Variants in TNK2 observed in about 807,000 individuals in gnomAD.
TNK2 encodes the protein tyrosine kinase non receptor 2, also known as activated CDC42 kinase 1.
A neutral mutation model predicts 101.8 loss-of-function variants in TNK2; 83 were observed. That is an observed-to-expected ratio of 0.82 (90% CI 0.68 to 0.98). The LOEUF is 0.98. Among genes scored for constraint, TNK2 ranks in the 50% least tolerant of loss-of-function variants. The probability of loss-of-function intolerance (pLI) is 0.00; values close to 1 mark genes in which losing one functional copy is unlikely to be tolerated. For synonymous variants in TNK2, 804 were observed against 633.0 expected, an observed-to-expected ratio of 1.27 and a Z score of -4.06; for missense variants, 1,665 against 1,483.2, an observed-to-expected ratio of 1.12 and a Z score of -2.01.
intron 6 of TNK2, among the ~76,000 whole-genome samples, chr3:195,881,587 C>CCG (rs1553911841): frequency 1.1e-4 from 9 of 81,810 alleles, no homozygotes; most frequent in Non-Finnish European, 1.8e-4. Flanking sequence ...CCTGTAACAC[C>CCG]CCCCCAGCGA....
At chr3:195,879,303 A>G (rs1751117290) in intron 6 of TNK2, 128 bp from the exon 7 acceptor site, 13 of 1,444,418 alleles carry the variant, frequency 9.0e-6, no homozygotes, top group Non-Finnish European at 1.0e-5. Flanking sequence ...AGTGGGTCTC[A>G]GGGGCGCCGT....
At chr3:195,880,718 A>AC (rs1173040587) in intron 6 of TNK2, among the ~76,000 whole-genome samples, 4 of 44,588 alleles carry the variant, frequency 9.0e-5, no homozygotes, top group East Asian at 6.9e-4. Flanking sequence ...TCCCTGTAAC[A>AC]CCCCCCCAGC....
At chr3:195,902,260 G>A (rs1761276512) in intron 1 of TNK2, among the ~76,000 whole-genome samples, 1 of 152,144 alleles carries the variant, frequency 6.6e-6, no homozygotes, top group Non-Finnish European at 1.5e-5. Flanking sequence ...GGAAACCTCT[G>A]GAAGAAGAGG....
Position 195,868,372 on chromosome 3 carries a change from G to A in TNK2, c.1926C>T (p.Arg642=). The change falls in exon 13 of 16, where the codon CGC becomes CGT. Residue 642 remains arginine (R), a synonymous_variant. Coordinates refer to ENST00000672887, the MANE Select transcript of TNK2 (RefSeq NM_001382273.1). ...HPTPVVDWDA[R]PLPPPPAYDD... ...CATAGGCGGGCGGGGGGGGCAGCGG[G>A]CGTGCGTCCCAGTCCACCACAGGCG... 2 of 1,595,368 alleles carry A rather than the reference G, an allele frequency of 1.3e-6. No homozygotes were observed. The highest frequency in any genetic ancestry group is 1.7e-4 in the Middle Eastern group (1 of 6,016).
At chr3:195,901,867 G>C (rs976027710) in intron 1 of TNK2, among the ~76,000 whole-genome samples, 1 of 152,174 alleles carries the variant, frequency 6.6e-6, no homozygotes, top group Non-Finnish European at 1.5e-5. Flanking sequence ...CGGGCCCATG[G>C]AGGTCCCCGC....
rs367648173 is a variant in TNK2, at chr3:195,867,163, C to T, written c.3033+6G>A. ...GAGAGCCAGAGTGAGCAGGAGGTGGCGGTACCTTCAGATACTGGGCAGCCC... is the reference window on the plus strand; with the variant it reads ...GAGAGCCAGAGTGAGCAGGAGGTGGTGGTACCTTCAGATACTGGGCAGCCC... On this transcript the variant is annotated splice_donor_region_variant and intron_variant, in intron 14 of 15. Coordinates refer to ENST00000672887, the MANE Select transcript of TNK2 (RefSeq NM_001382273.1). The T allele has an allele frequency of 6.9e-5, 112 of 1,612,356 alleles. 1 individual carries two copies. In the African/African-American group the frequency reaches 1.1e-3, roughly 15 times the overall value.
At chr3:195,870,576 G>A (rs1369104353) in intron 10 of TNK2, among the ~76,000 whole-genome samples, 1 of 152,252 alleles carries the variant, frequency 6.6e-6, no homozygotes, top group Non-Finnish European at 1.5e-5. Flanking sequence ...GGGCATCCCA[G>A]CTATGGTGCC....
At chr3:195,881,819 G>C (rs1325589957) in intron 6 of TNK2, among the ~76,000 whole-genome samples, 1 of 152,008 alleles carries the variant, frequency 6.6e-6, no homozygotes, top group African/African-American at 2.4e-5. Flanking sequence ...CCCTTGGAGA[G>C]TCCCACAGCA....
At position 195,867,269 on chromosome 3, in the gene TNK2, G is replaced by A. The variant is rs374524600; in HGVS notation, c.2938-5C>T. 2 of 1,609,206 alleles carry A rather than the reference G, an allele frequency of 1.2e-6. No individual in the cohort carries two copies. The highest frequency in any genetic ancestry group is 1.7e-6 in the Non-Finnish European group (2 of 1,177,904). On this transcript the variant is annotated splice_region_variant and splice_polypyrimidine_tract_variant and intron_variant, in intron 13 of 15. Coordinates refer to ENST00000672887, the MANE Select transcript of TNK2 (RefSeq NM_001382273.1). ...CCCATGCACCATGGCCTGCAGCTGG[G>A]CACACCCACCCCTGTCAGCACCACT...
chr3:195,877,365 C>T (rs1420260216), intron 9 of TNK2, among the ~76,000 whole-genome samples: 1 of 152,134 alleles, frequency 6.6e-6, no homozygotes, highest in Non-Finnish European at 1.5e-5. Context: ...ACACAGCCCC[C>T]CAGGTCTCCT....
intron 10 of TNK2, among the ~76,000 whole-genome samples, chr3:195,870,719 G>C (rs1472749987): frequency 1.3e-5 from 2 of 152,274 alleles, no homozygotes; most frequent in African/African-American, 4.8e-5. Context: ...TAGTCACTGG[G>C]GCTGATTAAA....
At position 195,878,081 on chromosome 3, in the gene TNK2, C is replaced by A. The variant is rs142918561; in HGVS notation, c.1256+172G>T. Among the ~76,000 whole-genome samples, 182 of 151,930 alleles carry A rather than the reference C, an allele frequency of 1.2e-3. No homozygotes were observed. The highest frequency in any genetic ancestry group is 2.1e-3 in the Non-Finnish European group (145 of 67,902). On this transcript the variant is annotated intron_variant, in intron 9 of 15. Coordinates refer to ENST00000672887, the MANE Select transcript of TNK2 (RefSeq NM_001382273.1). This position sits in a 1 kb window ranked among gnomAD's most constrained non-coding sequence, Gnocchi z 4.7. ...GAGGGAAGCTGGGCAGGGAAAGGCA[C>A]TAGGAAGACGGAGGCAGGCCTGTCC...
In TNK2 at chr3:195,884,802, G is replaced by C. The variant is rs1033678114; in HGVS notation, c.456+10C>G. ...GCCTCTGCTGCGCTGGCAGGACACA[G>C]AGAGCTCACCGTCTTCCCTGAGGGC... is the stretch of plus-strand genomic sequence containing the variant. On this transcript the variant is annotated intron_variant, in intron 4 of 15. Transcript: ENST00000672887. 1.2e-6 allele frequency: 2 copies of C among 1,603,386 alleles called. No individual in the cohort carries two copies. The highest frequency in any genetic ancestry group is 1.1e-5 in the South Asian group (1 of 89,536).
chr3:195,874,402 G>A (rs999672898), intron 9 of TNK2, among the ~76,000 whole-genome samples: 6 of 152,248 alleles, frequency 3.9e-5, no homozygotes, highest in Non-Finnish European at 8.8e-5. Context: ...GAGCCCCCAT[G>A]GCTGCTGGGA....
At position 195,894,998 on chromosome 3, in the gene TNK2, G is replaced by A. The variant is rs139833457; in HGVS notation, c.-18-6392C>T. On this transcript the variant is annotated intron_variant, in intron 1 of 15. Transcript: ENST00000672887. ...AGCAGTACTTCCTGGACTCCCTTGG[G>A]GCATGGAAGAAAGCCCAACGGGCAG... 2.0e-5 allele frequency among the ~76,000 whole-genome samples: 3 copies of A among 152,288 alleles called. No homozygotes were observed. The East Asian group carries it at 5.8e-4, about 29-fold the overall frequency.
intron 1 of TNK2, chr3:195,892,059 C>T (rs1049014312): frequency 1.3e-4 from 130 of 987,916 alleles, no homozygotes; most frequent in South Asian, 4.1e-4. Flanking sequence ...CGCAGGGGTC[C>T]GCCTCCCCTC....
rs1755427929 is a variant in TNK2, at chr3:195,885,988, A to G, written c.235-955T>C. ...TTCCTTATGTTTGCAAGCAATGTTC[A>G]GGTTACAAGACCCTCTACAGCCATT... On this transcript the variant is annotated intron_variant, in intron 3 of 15. Transcript: ENST00000672887. This position sits in a 1 kb window ranked among gnomAD's most constrained non-coding sequence, Gnocchi z 4.7. The G allele has an allele frequency of 1.1e-5, 2 of 182,928 alleles. No individual in the cohort carries two copies. The highest frequency in any genetic ancestry group is 2.4e-5 in the African/African-American group (1 of 42,020). The allele number at this position is 182,928 out of a possible 1,614,324, so 11.3% of individuals were successfully genotyped here. A position where few individuals can be genotyped will look rare whatever the true frequency, so the allele number is the denominator to read the frequency against.
chr3:195,896,598 G>A (rs1420605297), intron 1 of TNK2: 1 of 155,384 alleles, frequency 6.4e-6, no homozygotes, highest in Non-Finnish European at 1.4e-5. Flanking sequence ...GAAAATACCA[G>A]GCCCCTCCCT....
chr3:195,872,024 T>C, intron 10 of TNK2, among the ~76,000 whole-genome samples: 1 of 138,308 alleles, frequency 7.2e-6, no homozygotes, highest in African/African-American at 3.0e-5. Context: ...TGGAGAACCC[T>C]CCCCTGGAGA....
Sources: allele counts gnomAD v4.1 joint callset (sites outside exome capture counted in the v4.1 genomes callset), GRCh38; gene constraint gnomAD v4.1.1; non-coding constraint Gnocchi (gnomAD v3.1); transcripts MANE v1.5; gene names NCBI Gene and HGNC (gene_info 2026-07-23, HGNC 2026-07-21).